The following BABAM2 variants were observed in gnomAD, a reference collection of about 807,000 sequenced individuals.
BABAM2 encodes the protein BRISC and BRCA1-A complex member 2.
BABAM2 carries 31 observed loss-of-function variants against 54.7 expected under a neutral mutation model. The observed-to-expected ratio is 0.57, with a 90% CI of 0.43 to 0.77. BABAM2 has a LOEUF of 0.77. BABAM2 is among the 30% of genes least tolerant of loss of function. BABAM2 has a pLI of 0.00. For synonymous variants in BABAM2, 167 were observed against 162.9 expected (o/e 1.03, Z -0.19); for missense variants, 364 against 455.8 (o/e 0.80, Z 1.83).
intron 5 of BABAM2, among the ~76,000 whole-genome samples, chr2:28,041,995 G>T (rs1677138332): frequency 6.6e-6 from 1 of 152,144 alleles, no homozygotes; most frequent in Non-Finnish European, 1.5e-5. Flanking sequence ...GATATATTTT[G>T]AAGGGAGAGT....
At chr2:27,984,700 T>G (rs528697357) in intron 3 of BABAM2, among the ~76,000 whole-genome samples, 124 of 152,200 alleles carry the variant, frequency 8.1e-4, no homozygotes, top group African/African-American at 3.0e-3. Flanking sequence ...TTTATTTTTA[T>G]TTTTTATTCC....
At chr2:28,035,746 AT>A (rs1033698658) in intron 5 of BABAM2, among the ~76,000 whole-genome samples, 123 of 152,274 alleles carry the variant, frequency 8.1e-4, no homozygotes, top group African/African-American at 2.9e-3. Context: ...ACAATAGCTT[AT>A]ATTTCTGGTT....
chr2:27,891,078 GTAT>G (rs1467076926), intron 1 of BABAM2: 1 of 152,290 alleles, frequency 6.6e-6, no homozygotes, highest in East Asian at 1.9e-4. Flanking sequence ...TAAACCCCGA[GTAT>G]TAGTTCCTTG....
intron 2 of BABAM2, among the ~76,000 whole-genome samples, chr2:27,917,175 G>A (rs1207061339): frequency 6.6e-6 from 1 of 151,842 alleles, no homozygotes; most frequent in South Asian, 2.1e-4. Context: ...GTGCCACCAC[G>A]CGCAGCTAAT....
intron 4 of BABAM2, among the ~76,000 whole-genome samples, chr2:27,991,209 T>C (rs897336359): frequency 6.6e-5 from 10 of 152,212 alleles, no homozygotes; most frequent in Admixed American, 5.9e-4. Flanking sequence ...CAAGAACTTA[T>C]TAAATTCTCT....
At chr2:28,294,099 G>T (rs1196150082) in intron 10 of BABAM2, among the ~76,000 whole-genome samples, 1 of 152,004 alleles carries the variant, frequency 6.6e-6, no homozygotes, top group African/African-American at 2.4e-5. Context: ...GCAAATGGCT[G>T]GCCAGGCATG....
At chr2:28,214,951 GA>G (rs1306431361) in intron 7 of BABAM2, among the ~76,000 whole-genome samples, 1 of 152,028 alleles carries the variant, frequency 6.6e-6, no homozygotes, top group Non-Finnish European at 1.5e-5. Context: ...AGATTCCAGA[GA>G]AAGCAATTTG....
chr2:28,061,827 G>C (rs1158065663), intron 6 of BABAM2, among the ~76,000 whole-genome samples: 1 of 151,840 alleles, frequency 6.6e-6, no homozygotes, highest in African/African-American at 2.4e-5. Flanking sequence ...AATGTCAACA[G>C]AGATAGCACA....
intron 6 of BABAM2, among the ~76,000 whole-genome samples, chr2:28,099,470 A>G (rs1176073888): frequency 6.6e-6 from 1 of 152,210 alleles, no homozygotes; most frequent in Non-Finnish European, 1.5e-5. Context: ...TGATTTCTAT[A>G]CTGTCCCTCT....
intron 2 of BABAM2, among the ~76,000 whole-genome samples, chr2:27,905,232 G>A (rs1215800289): frequency 2.0e-5 from 3 of 152,116 alleles, no homozygotes; most frequent in African/African-American, 7.2e-5. Flanking sequence ...GGCTGGGGAG[G>A]GTCAGGTGTG....
At chr2:28,187,368 T>C (rs1676424549) in intron 7 of BABAM2, among the ~76,000 whole-genome samples, 1 of 152,154 alleles carries the variant, frequency 6.6e-6, no homozygotes, top group South Asian at 2.1e-4. Context: ...TGGCACATAT[T>C]TGTTGCATGA....
At chr2:27,980,170 C>CT (rs987703686) in intron 3 of BABAM2, among the ~76,000 whole-genome samples, 6 of 151,934 alleles carry the variant, frequency 3.9e-5, no homozygotes, top group East Asian at 3.9e-4. Flanking sequence ...ACACTTCTTC[C>CT]TTTTTTTTAA....
At chr2:28,181,136 T>C (rs1314291256) in intron 7 of BABAM2, among the ~76,000 whole-genome samples, 1 of 152,078 alleles carries the variant, frequency 6.6e-6, no homozygotes, top group Non-Finnish European at 1.5e-5. Context: ...AGGAAATAAG[T>C]ATATCTAAGG....
At position 28,338,604 on chromosome 2, in the gene BABAM2, T is replaced by G. The variant is rs1288561080; in HGVS notation, c.*91T>G. 4.8e-6 allele frequency: 7 copies of G among 1,460,584 alleles called. No individual in the cohort carries two copies. The highest frequency in any genetic ancestry group is 5.7e-6 in the Non-Finnish European group (6 of 1,044,952). The allele number at this position is 1,460,584 out of a possible 1,614,324, so 90.5% of individuals were successfully genotyped here. On this transcript the variant is annotated 3_prime_UTR_variant, in exon 12 of 12. Coordinates refer to ENST00000379624, the MANE Select transcript of BABAM2 (RefSeq NM_199191.3). The stretch of plus-strand genomic sequence containing the variant: ...CGCTTCCTGGAAGCCGCCTGGAATG[T>G]CTTCACGGCAGCGTTTTGCTCACAC...
chr2:28,241,323 G>C lies in BABAM2; in HGVS notation c.781G>C (p.Val261Leu), dbSNP rs1682407966. Residue 261 changes from valine (V) to leucine (L), a missense_variant and splice_region_variant, in exon 9 of 12, where the codon GTG becomes CTG. Transcript: ENST00000379624. ...TCTCAGCTTTGGGTTTCTATTCCAG[G>C]TGCAGTACGTGATTCAAGGGTATCA... The part of the protein sequence containing the change: ...PQVCHLLTNK[V>L]QYVIQGYHKR... 1 of 1,613,654 alleles carries C rather than the reference G, an allele frequency of 6.2e-7. No individual in the cohort carries two copies. The highest frequency in any genetic ancestry group is 1.1e-5 in the South Asian group (1 of 91,076).
intron 7 of BABAM2, among the ~76,000 whole-genome samples, chr2:28,186,156 C>A (rs1573785103): frequency 6.6e-6 from 1 of 152,290 alleles, no homozygotes; most frequent in South Asian, 2.1e-4. Context: ...GCTTAACCAC[C>A]ATATTTTCAG....
chr2:28,175,229 A>G (rs951048870), intron 7 of BABAM2, among the ~76,000 whole-genome samples: 1 of 152,158 alleles, frequency 6.6e-6, no homozygotes, highest in Non-Finnish European at 1.5e-5. Flanking sequence ...TACTGACAGC[A>G]ACTCTGTCCA....
At chr2:28,317,707 C>T (rs544528714) in intron 11 of BABAM2, among the ~76,000 whole-genome samples, 1 of 152,230 alleles carries the variant, frequency 6.6e-6, no homozygotes, top group Non-Finnish European at 1.5e-5. Context: ...TGACCACTTA[C>T]GTACTGTTAG....
At chr2:28,035,602 G>A (rs1455557663) in intron 5 of BABAM2, among the ~76,000 whole-genome samples, 2 of 152,126 alleles carry the variant, frequency 1.3e-5, no homozygotes, top group Non-Finnish European at 2.9e-5. Context: ...TAACCACACG[G>A]AACTGTTAGG....
Sources: gnomAD v4.1 joint callset for allele counts (sites outside exome capture counted in the v4.1 genomes callset) on GRCh38, gnomAD v4.1.1 for gene constraint, MANE v1.5 for transcripts, NCBI Gene and HGNC (gene_info 2026-07-23, HGNC 2026-07-21) for gene names.